The following KDM2A variants were observed in gnomAD, a reference collection of about 807,000 sequenced individuals.
KDM2A encodes lysine demethylase 2A.
A neutral mutation model predicts 137.3 loss-of-function variants in KDM2A; 3 were observed. That is an observed-to-expected ratio of 0.02 (90% CI 0.01 to 0.06). The LOEUF (loss-of-function observed/expected upper bound fraction) is 0.06, where lower values mean the gene tolerates loss of function less well. Among genes scored for constraint, KDM2A ranks in the 10% least tolerant of loss-of-function variants. The pLI, the probability that KDM2A is intolerant of heterozygous loss-of-function variation, is 1.00. For synonymous variants in KDM2A, 512 were observed against 541.5 expected (o/e 0.95, Z 0.76); for missense variants, 738 against 1,510.6 (o/e 0.49, Z 8.48).
At chr11:67,188,986 C>T (rs1489094496) in intron 5 of KDM2A, among the ~76,000 whole-genome samples, 2 of 151,942 alleles carry the variant, frequency 1.3e-5, no homozygotes, top group African/African-American at 2.4e-5. Flanking sequence ...GACTTCAGTA[C>T]CCCCTCTCAA....
At chr11:67,184,884 G>A (rs1857169952) in intron 5 of KDM2A, among the ~76,000 whole-genome samples, 1 of 152,064 alleles carries the variant, frequency 6.6e-6, no homozygotes, top group Non-Finnish European at 1.5e-5. Flanking sequence ...AAACCCTGGG[G>A]AAGGGAGAGA....
At chr11:67,167,653 A>G (rs193144133) in intron 2 of KDM2A, among the ~76,000 whole-genome samples, 1 of 151,956 alleles carries the variant, frequency 6.6e-6, no homozygotes, top group African/African-American at 2.4e-5. Context: ...TTAGGTACGC[A>G]TAAGCTTCCT....
At chr11:67,182,533 T>G (rs1857113276) in intron 5 of KDM2A, among the ~76,000 whole-genome samples, 2 of 124,008 alleles carry the variant, frequency 1.6e-5, no homozygotes, top group Non-Finnish European at 3.3e-5. Flanking sequence ...AATAAGTCTT[T>G]TTTTTTTTTT....
intron 2 of KDM2A, among the ~76,000 whole-genome samples, chr11:67,125,252 GTCATTGCAGCC>G (rs988050979): frequency 2.6e-5 from 4 of 151,244 alleles, no homozygotes; most frequent in Non-Finnish European, 5.9e-5. Context: ...ATGATCATAG[GTCATTGCAGCC>G]TCGACATCCT....
intron 16 of KDM2A, among the ~76,000 whole-genome samples, chr11:67,249,855 G>C (rs1290264043): frequency 6.6e-6 from 1 of 152,206 alleles, no homozygotes; most frequent in Non-Finnish European, 1.5e-5. Context: ...GGTCAGGCCA[G>C]GTGCAGTGGC....
chr11:67,168,616 C>T (rs1021563375), intron 2 of KDM2A, among the ~76,000 whole-genome samples: 2,924 of 118,552 alleles, frequency 0.025, 474 homozygotes, highest in African/African-American at 0.13. Flanking sequence ...CACACACACA[C>T]ACACACACAC....
chr11:67,224,630 G>A (rs1395421988), intron 10 of KDM2A, among the ~76,000 whole-genome samples: 1 of 150,602 alleles, frequency 6.6e-6, no homozygotes, highest in East Asian at 2.0e-4. Flanking sequence ...ACCAAGCCCG[G>A]CCAATTTTTA....
chr11:67,135,676 G>A (rs1322795295), intron 2 of KDM2A, among the ~76,000 whole-genome samples: 1 of 152,166 alleles, frequency 6.6e-6, no homozygotes, highest in Non-Finnish European at 1.5e-5. Context: ...TTTATAGTTT[G>A]CAAAGTACTT....
intron 2 of KDM2A, among the ~76,000 whole-genome samples, chr11:67,177,807 A>G (rs1262900105): frequency 6.6e-6 from 1 of 152,370 alleles, no homozygotes; most frequent in African/African-American, 2.4e-5. Context: ...TATTCCTAAC[A>G]GTATGTGCTA....
chr11:67,247,704 C>T (rs151152834), intron 15 of KDM2A, among the ~76,000 whole-genome samples: 1 of 152,194 alleles, frequency 6.6e-6, no homozygotes, highest in East Asian at 1.9e-4. Flanking sequence ...GGATTACAGG[C>T]GTGAGCCACC....
At chr11:67,122,232 G>T (rs1047341756) in intron 2 of KDM2A, among the ~76,000 whole-genome samples, 2 of 152,134 alleles carry the variant, frequency 1.3e-5, no homozygotes, top group African/African-American at 2.4e-5. Flanking sequence ...GTTTTATTTG[G>T]CTCTGCATTT....
intron 2 of KDM2A, among the ~76,000 whole-genome samples, chr11:67,155,580 A>G (rs1295771849): frequency 6.6e-6 from 1 of 152,032 alleles, no homozygotes; most frequent in Non-Finnish European, 1.5e-5. Context: ...CTGGGATTAC[A>G]GGAGTGAGCC....
chr11:67,211,351 C>T (rs962279834), intron 6 of KDM2A, among the ~76,000 whole-genome samples: 1 of 152,158 alleles, frequency 6.6e-6, no homozygotes, highest in African/African-American at 2.4e-5. Flanking sequence ...CGGTAGCTCA[C>T]GCCTACAATC....
At chr11:67,177,503 T>C (rs1301650109) in intron 2 of KDM2A, among the ~76,000 whole-genome samples, 1 of 152,080 alleles carries the variant, frequency 6.6e-6, no homozygotes, top group Non-Finnish European at 1.5e-5. Flanking sequence ...GACATAAACA[T>C]ACACATCAGC....
chr11:67,228,318 C>T (rs1440475717), intron 11 of KDM2A, among the ~76,000 whole-genome samples, 155 bp downstream of exon 11: 1 of 152,110 alleles, frequency 6.6e-6, no homozygotes, highest in Admixed American at 6.6e-5. Context: ...TACCAGTTAC[C>T]TACCCAGATG....
chr11:67,193,099 C>A (rs893959248), intron 5 of KDM2A, among the ~76,000 whole-genome samples: 2 of 152,186 alleles, frequency 1.3e-5, no homozygotes, highest in Non-Finnish European at 2.9e-5. Context: ...AAGTGATTCT[C>A]CTGCCTCAGC....
At chr11:67,165,553 A>G (rs893504002) in intron 2 of KDM2A, among the ~76,000 whole-genome samples, 9 of 152,220 alleles carry the variant, frequency 5.9e-5, no homozygotes, top group South Asian at 2.1e-4. Flanking sequence ...ACCTTTGTCT[A>G]TGAATCAAAA....
At chr11:67,156,737 AAAT>A in intron 2 of KDM2A, among the ~76,000 whole-genome samples, 1 of 150,778 alleles carries the variant, frequency 6.6e-6, no homozygotes, top group African/African-American at 2.4e-5. Flanking sequence ...AAAAAAAAAA[AAAT>A]TAGCTGGGCA....
chr11:67,200,459 C>G (rs949262505), intron 5 of KDM2A, among the ~76,000 whole-genome samples: 17 of 152,222 alleles, frequency 1.1e-4, no homozygotes, highest in African/African-American at 4.1e-4. Context: ...CCTCATGATC[C>G]GCCCGCCTCA....
Sources: allele counts gnomAD v4.1 joint callset (sites outside exome capture counted in the v4.1 genomes callset), GRCh38; gene constraint gnomAD v4.1.1; transcripts MANE v1.5; gene names NCBI Gene and HGNC (gene_info 2026-07-23, HGNC 2026-07-21).